Variants in PAPPA observed in about 807,000 individuals in gnomAD.
PAPPA encodes pappalysin 1, also known as pappalysin-1.
A neutral mutation model predicts 164.0 loss-of-function variants in PAPPA; 60 were observed. The observed-to-expected ratio is 0.37, with a 90% CI of 0.30 to 0.45. The LOEUF (loss-of-function observed/expected upper bound fraction) is 0.45. PAPPA is among the 20% of genes least tolerant of loss of function. The probability of loss-of-function intolerance (pLI) is 1.00; values close to 1 mark genes in which losing one functional copy is unlikely to be tolerated. For synonymous variants in PAPPA, 875 were observed against 814.1 expected, an observed-to-expected ratio of 1.07 and a Z score of -1.27; for missense variants, 1,782 against 2,087.3, an observed-to-expected ratio of 0.85 and a Z score of 2.85.
At chr9:116,175,678 T>A (rs146158972) in intron 1 of PAPPA, among the ~76,000 whole-genome samples, 110 of 152,216 alleles carry the variant, frequency 7.2e-4, no homozygotes, top group Middle Eastern at 6.8e-3. Flanking sequence ...CTAGCCACTA[T>A]ATGGAGGGTT....
chr9:116,210,129 C>T (rs1844288649), intron 3 of PAPPA, among the ~76,000 whole-genome samples: 1 of 152,152 alleles, frequency 6.6e-6, no homozygotes, highest in Non-Finnish European at 1.5e-5. Flanking sequence ...GATTTCCTGT[C>T]TCAATTTCTC....
chr9:116,254,987 A>C (rs1419158684), intron 7 of PAPPA, among the ~76,000 whole-genome samples: 1 of 151,828 alleles, frequency 6.6e-6, no homozygotes, highest in East Asian at 2.0e-4. Flanking sequence ...GTCACTTCCC[A>C]GTCTTTTTTT....
intron 2 of PAPPA, among the ~76,000 whole-genome samples, chr9:116,197,984 G>A (rs1193146015): frequency 1.3e-5 from 2 of 152,168 alleles, no homozygotes; most frequent in Non-Finnish European, 2.9e-5. Flanking sequence ...AATAACCCTT[G>A]TTCCTAAAAC....
At chr9:116,240,689 A>G (rs1317127685) in intron 7 of PAPPA, among the ~76,000 whole-genome samples, 2 of 152,164 alleles carry the variant, frequency 1.3e-5, no homozygotes, top group Non-Finnish European at 2.9e-5. Flanking sequence ...CTATCCCCAG[A>G]TTATATATAG....
intron 9 of PAPPA, among the ~76,000 whole-genome samples, chr9:116,298,711 T>A (rs1017818937): frequency 2.6e-5 from 4 of 152,228 alleles, no homozygotes; most frequent in African/African-American, 9.6e-5. Flanking sequence ...AAGTGTATTA[T>A]GTTTTCAGGA....
chr9:116,285,173 T>TTC (rs1587986907), intron 9 of PAPPA, among the ~76,000 whole-genome samples: 1 of 132,834 alleles, frequency 7.5e-6, no homozygotes, highest in East Asian at 2.2e-4. Flanking sequence ...CTTTCTTTCT[T>TTC]TTTTTTTTTT....
chr9:116,305,406 A>T (rs1381090657), intron 10 of PAPPA, among the ~76,000 whole-genome samples: 2 of 149,402 alleles, frequency 1.3e-5, no homozygotes, highest in Admixed American at 6.7e-5. Context: ...GAAGATGGGA[A>T]TTGTATCATG....
At chr9:116,268,730 A>T (rs1392417723) in intron 8 of PAPPA, among the ~76,000 whole-genome samples, 1 of 151,774 alleles carries the variant, frequency 6.6e-6, no homozygotes, top group African/African-American at 2.4e-5. Context: ...TTTACCTAGA[A>T]TTAGTATCTT....
chr9:116,247,639 C>A (rs1005704194), intron 7 of PAPPA, among the ~76,000 whole-genome samples: 3 of 152,076 alleles, frequency 2.0e-5, no homozygotes, highest in African/African-American at 7.2e-5. Flanking sequence ...TAACAGCTGT[C>A]AGAGCAATTA....
Position 116,289,346 on chromosome 9 carries a change from G to GGCATATATATGGCATATATATA in PAPPA, c.2954-13390_2954-13389insAGCATATATATGGCATATATAT, listed in dbSNP as rs1564212405. 1.1e-3 allele frequency among the ~76,000 whole-genome samples: 110 copies of GGCATATATATGGCATATATATA among 104,580 alleles called. 1 individual carries two copies. The highest frequency in any genetic ancestry group is 1.6e-3 in the Non-Finnish European group (80 of 50,980). 68.6% of individuals were successfully genotyped at this position (104,580 alleles called of 152,430 possible). On this transcript the variant is annotated intron_variant, in intron 9 of 21. Coordinates refer to ENST00000328252, the MANE Select transcript of PAPPA (RefSeq NM_002581.5). The stretch of plus-strand genomic sequence containing the variant: ...TATGGCATATATATAGCATATATAT[G>GGCATATATATGGCATATATATA]GCATATATATGGCATATATATGGCA...
intron 10 of PAPPA, among the ~76,000 whole-genome samples, chr9:116,315,216 T>C (rs1845773077): frequency 6.6e-6 from 1 of 152,166 alleles, no homozygotes; most frequent in South Asian, 2.1e-4. Context: ...CCCTGTTTCA[T>C]CCCTTCACAT....
At chr9:116,289,396 CTA>C (rs201695338) in intron 9 of PAPPA, among the ~76,000 whole-genome samples, 1,271 of 71,592 alleles carry the variant, frequency 0.018, 15 homozygotes, top group South Asian at 0.082. Flanking sequence ...GTATATATAG[CTA>C]TATATATATA....
intron 10 of PAPPA, among the ~76,000 whole-genome samples, chr9:116,303,337 G>A (rs1011473724): frequency 2.0e-5 from 3 of 152,088 alleles, no homozygotes; most frequent in Non-Finnish European, 2.9e-5. Context: ...TTTGCTATGT[G>A]GCCTTAGACT....
chr9:116,283,474 G>A (rs1260268135), intron 9 of PAPPA, among the ~76,000 whole-genome samples: 2 of 152,128 alleles, frequency 1.3e-5, no homozygotes, highest in African/African-American at 2.4e-5. Flanking sequence ...CACAGGGGGT[G>A]AGTGGGCAGT....
chr9:116,205,893 A>G (rs145174720), intron 2 of PAPPA, among the ~76,000 whole-genome samples: 9 of 152,292 alleles, frequency 5.9e-5, no homozygotes, highest in African/African-American at 1.9e-4. Flanking sequence ...GAAAAGCTGG[A>G]TTCAAAACCT....
At chr9:116,216,781 G>T (rs144381373) in intron 4 of PAPPA, among the ~76,000 whole-genome samples, 1 of 151,716 alleles carries the variant, frequency 6.6e-6, no homozygotes, top group Non-Finnish European at 1.5e-5. Flanking sequence ...TTACTCTGTC[G>T]CCCAGGCTGG....
At chr9:116,382,330 G>A (rs1482339391) in intron 20 of PAPPA, 65 bp from the exon 21 acceptor site, 31 of 987,408 alleles carry the variant, frequency 3.1e-5, no homozygotes, top group South Asian at 1.0e-4. Context: ...GACTGCAGAC[G>A]TCAGCTCCCA....
At chr9:116,379,637 T>C (rs1008808478) in intron 20 of PAPPA, among the ~76,000 whole-genome samples, 8 of 152,170 alleles carry the variant, frequency 5.3e-5, no homozygotes, top group African/African-American at 1.9e-4. Flanking sequence ...TTTGCACAAA[T>C]ACGAGACATT....
intron 4 of PAPPA, among the ~76,000 whole-genome samples, chr9:116,212,604 G>A (rs1844322324): frequency 6.6e-6 from 1 of 152,232 alleles, no homozygotes; most frequent in South Asian, 2.1e-4. Flanking sequence ...TCAACTTAGT[G>A]TCTTTTTCCC....
Sources: gnomAD v4.1 joint callset for allele counts (sites outside exome capture counted in the v4.1 genomes callset) on GRCh38, gnomAD v4.1.1 for gene constraint, MANE v1.5 for transcripts, NCBI Gene and HGNC (gene_info 2026-07-23, HGNC 2026-07-21) for gene names.